Variants in PPIG observed in about 807,000 individuals in gnomAD.
PPIG encodes peptidyl-prolyl cis-trans isomerase G.
A neutral mutation model predicts 87.9 loss-of-function variants in PPIG; 26 were observed. That is an observed-to-expected ratio of 0.30 (90% CI 0.22 to 0.41). The LOEUF (loss-of-function observed/expected upper bound fraction) is 0.41. Among genes scored for constraint, PPIG ranks in the 10% least tolerant of loss-of-function variants. PPIG has a pLI of 1.00. For missense variants in PPIG, 722 were observed against 879.4 expected (o/e 0.82, Z 2.26); for synonymous variants, 308 against 276.5 (o/e 1.11, Z -1.13).
chr2:169,598,713 C>T (rs1347736671), intron 1 of PPIG, among the ~76,000 whole-genome samples: 3 of 151,476 alleles, frequency 2.0e-5, no homozygotes, highest in African/African-American at 7.3e-5. Context: ...TTTGTACTTT[C>T]TACAGGTATA....
intron 1 of PPIG, among the ~76,000 whole-genome samples, chr2:169,594,572 G>A (rs896927085): frequency 6.7e-6 from 1 of 148,550 alleles, no homozygotes; most frequent in African/African-American, 2.5e-5. Context: ...TGACTATTTT[G>A]TCATTCATGA....
chr2:169,599,437 A>G (rs1685113410), intron 1 of PPIG, among the ~76,000 whole-genome samples: 1 of 152,152 alleles, frequency 6.6e-6, no homozygotes, highest in Non-Finnish European at 1.5e-5. Flanking sequence ...TGTGTTAGAC[A>G]TTTAAGTTGT....
intron 1 of PPIG, among the ~76,000 whole-genome samples, chr2:169,602,691 A>G (rs1271170870): frequency 3.3e-5 from 5 of 152,204 alleles, no homozygotes; most frequent in African/African-American, 1.2e-4. Context: ...TTTATTGAGC[A>G]GTGCTGGTCT....
intron 1 of PPIG, among the ~76,000 whole-genome samples, chr2:169,585,227 G>C (rs1684665190): frequency 6.6e-6 from 1 of 151,378 alleles, no homozygotes; most frequent in Non-Finnish European, 1.5e-5. Context: ...TCGGGGCTCA[G>C]TATGCCTGAA....
In PPIG at chr2:169,631,852, A is replaced by G. The variant is rs1686062242; in HGVS notation, c.848A>G (p.Asn283Ser). 2.5e-6 allele frequency: 4 copies of G among 1,613,666 alleles called. No homozygotes were observed. The highest frequency in any genetic ancestry group is 3.4e-6 in the Non-Finnish European group (4 of 1,179,656). The stretch of plus-strand genomic sequence containing the variant: ...GAAGAGATCCCTCCTATACCTGAAA[A>G]TAGATTCCTAATGAGAAAAAGTCCT... Reference protein sequence around the residue: ...RPEEIPPIPENRFLMRKSPPK... With the variant: ...RPEEIPPIPESRFLMRKSPPK... Residue 283 changes from asparagine (N) to serine (S), a missense_variant, in exon 11 of 14, where the codon AAT (asparagine) becomes AGT (serine). Physicochemically the swap from Asn to Ser is conservative, Grantham distance 46. Coordinates refer to ENST00000260970, the MANE Select transcript of PPIG (RefSeq NM_004792.3).
intron 9 of PPIG, among the ~76,000 whole-genome samples, chr2:169,617,521 C>T (rs1304448601): frequency 2.6e-5 from 4 of 152,002 alleles, no homozygotes; most frequent in African/African-American, 7.2e-5. Context: ...TTTGTGTCCT[C>T]TCTTATTTCC....
intron 1 of PPIG, among the ~76,000 whole-genome samples, chr2:169,597,791 G>A (rs1203519214): frequency 2.0e-5 from 3 of 151,942 alleles, no homozygotes; most frequent in African/African-American, 4.8e-5. Flanking sequence ...GAGCCACCAC[G>A]CCCAGCTCTC....
chr2:169,595,175 G>A (rs1002860041), intron 1 of PPIG, among the ~76,000 whole-genome samples: 3 of 152,062 alleles, frequency 2.0e-5, no homozygotes, highest in Non-Finnish European at 4.4e-5. Context: ...TGGTCCACCC[G>A]CCTCAGAGTG....
chr2:169,586,101 T>C (rs1249793517), intron 1 of PPIG, among the ~76,000 whole-genome samples: 1 of 152,106 alleles, frequency 6.6e-6, no homozygotes, highest in African/African-American at 2.4e-5. Flanking sequence ...GACAGAATTA[T>C]TTCTGTAACA....
At chr2:169,623,313 A>T (rs922514759) in intron 9 of PPIG, among the ~76,000 whole-genome samples, 2 of 152,206 alleles carry the variant, frequency 1.3e-5, no homozygotes, top group Non-Finnish European at 2.9e-5. Flanking sequence ...TTCAATTCAG[A>T]GTTCACTGCA....
At chr2:169,620,582 A>G (rs1685722298) in intron 9 of PPIG, among the ~76,000 whole-genome samples, 2 of 152,156 alleles carry the variant, frequency 1.3e-5, no homozygotes, top group African/African-American at 2.4e-5. Flanking sequence ...TGGCAATTCA[A>G]GAGAGGAAGA....
intron 9 of PPIG, among the ~76,000 whole-genome samples, chr2:169,627,477 A>G (rs924527053): frequency 6.6e-6 from 1 of 152,180 alleles, no homozygotes; most frequent in African/African-American, 2.4e-5. Context: ...TGTTTATGAA[A>G]TGTATTTAAT....
At chr2:169,594,183 A>C (rs564932229) in intron 1 of PPIG, among the ~76,000 whole-genome samples, 1 of 152,160 alleles carries the variant, frequency 6.6e-6, no homozygotes, top group African/African-American at 2.4e-5. Context: ...TTACTGGTTC[A>C]AAGTATAAAC....
chr2:169,608,582 A>C, intron 6 of PPIG, 89 bp from the exon 7 acceptor site: 1 of 712,058 alleles, frequency 1.4e-6, no homozygotes, highest in Non-Finnish European at 2.4e-6. Flanking sequence ...TGTGGCACTA[A>C]ATAATACATC....
intron 7 of PPIG, among the ~76,000 whole-genome samples, chr2:169,612,540 C>T (rs996897099): frequency 4.6e-5 from 7 of 151,992 alleles, no homozygotes; most frequent in Admixed American, 3.3e-4. Context: ...CCTGTCACCA[C>T]GCCTGGCTAA....
intron 1 of PPIG, among the ~76,000 whole-genome samples, chr2:169,595,160 T>G (rs973054343): frequency 6.6e-6 from 1 of 152,164 alleles, no homozygotes; most frequent in African/African-American, 2.4e-5. Flanking sequence ...ACTCTTGACC[T>G]CAGGTGGTCC....
intron 7 of PPIG, among the ~76,000 whole-genome samples, 181 bp downstream of exon 7, chr2:169,608,939 C>G (rs1477338176): frequency 1.3e-5 from 2 of 151,884 alleles, no homozygotes; most frequent in Non-Finnish European, 2.9e-5. Flanking sequence ...AAAAAATTAG[C>G]TGGGCATGGT....
intron 9 of PPIG, among the ~76,000 whole-genome samples, chr2:169,620,175 C>CT (rs1685707463): frequency 3.9e-5 from 6 of 151,948 alleles, no homozygotes; most frequent in Admixed American, 3.9e-4. Flanking sequence ...TGTCATGGAG[C>CT]TTTTTCCGTG....
At chr2:169,601,314 C>T (rs890244076) in intron 1 of PPIG, among the ~76,000 whole-genome samples, 4 of 152,258 alleles carry the variant, frequency 2.6e-5, no homozygotes, top group Admixed American at 2.0e-4. Flanking sequence ...TTAATAAACA[C>T]TGATTTCTTG....
Sources: gnomAD v4.1 joint callset for allele counts (sites outside exome capture counted in the v4.1 genomes callset) on GRCh38, gnomAD v4.1.1 for gene constraint, MANE v1.5 for transcripts, NCBI Gene and HGNC (gene_info 2026-07-23, HGNC 2026-07-21) for gene names.